The following FSTL5 variants were observed in gnomAD, a reference collection of about 807,000 sequenced individuals.
FSTL5 encodes follistatin like 5, also known as follistatin-related protein 5.
In FSTL5, 62 loss-of-function variants were observed where a neutral mutation model predicts 89.1. The ratio of observed to expected loss-of-function variants is 0.70; its 90% CI spans 0.57 to 0.86. The LOEUF is 0.86. FSTL5 is among the 40% of genes least tolerant of loss of function. The pLI, the probability that FSTL5 is intolerant of heterozygous loss-of-function variation, is 0.00. For synonymous variants in FSTL5, 383 were observed against 346.2 expected (o/e 1.11, Z -1.18); for missense variants, 1,057 against 1,001.6 (o/e 1.06, Z -0.75).
chr4:161,551,002 G>T lies in FSTL5; in HGVS notation c.1016-8309C>A, dbSNP rs566157240. On this transcript the variant is annotated intron_variant, in intron 8 of 15. Coordinates refer to ENST00000306100, the MANE Select transcript of FSTL5 (RefSeq NM_020116.5). ...CTATCATTGTTGGACATTTGGGTTGGTTCCAAGTCTTTGTTATTGTGAATA... is the reference window on the plus strand; with the variant it reads ...CTATCATTGTTGGACATTTGGGTTGTTTCCAAGTCTTTGTTATTGTGAATA... Among the ~76,000 whole-genome samples the T allele has an allele frequency of 1.3e-3, 193 of 152,072 alleles. 1 individual carries two copies. The highest frequency in any genetic ancestry group is 4.4e-3 in the African/African-American group (182 of 41,500).
At chr4:161,534,314 C>T (rs747209366) in intron 10 of FSTL5, among the ~76,000 whole-genome samples, 4 of 151,906 alleles carry the variant, frequency 2.6e-5, no homozygotes, top group African/African-American at 4.8e-5. Flanking sequence ...GGAATATGAT[C>T]CTATACATAA....
rs1178977194 is a variant in FSTL5 at position 161,455,025 on chromosome 4, G to T, written c.1820C>A (p.Thr607Lys). 4 of 1,613,512 alleles carry T rather than the reference G, an allele frequency of 2.5e-6. No individual in the cohort carries two copies. The highest frequency in any genetic ancestry group is 2.2e-5 in the South Asian group (2 of 91,002). ...RVDDFFIPTT[T>K]LIITHMRFGF... ...TTACCTCATATGGGTGATAATGAGT[G>T]TTGTGGTGGGAATGAAAAAATCATC... Residue 607 changes from threonine to lysine, a missense_variant, in exon 15 of 16, where the codon ACA becomes AAA. Physicochemically the swap from Thr to Lys is moderately conservative, Grantham distance 78. Coordinates refer to ENST00000306100, the MANE Select transcript of FSTL5 (RefSeq NM_020116.5).
At chr4:161,829,867 T>C (rs1346746770) in intron 4 of FSTL5, among the ~76,000 whole-genome samples, 2 of 152,060 alleles carry the variant, frequency 1.3e-5, no homozygotes, top group Non-Finnish European at 2.9e-5. Context: ...CTTAAATGAT[T>C]GTATGCATCA....
At chr4:161,859,386 C>G (rs1376191302) in intron 4 of FSTL5, among the ~76,000 whole-genome samples, 1 of 152,162 alleles carries the variant, frequency 6.6e-6, no homozygotes, top group Non-Finnish European at 1.5e-5. Flanking sequence ...TGGGTTATAT[C>G]CACTTCCAAA....
intron 3 of FSTL5, among the ~76,000 whole-genome samples, chr4:161,977,660 T>C (rs942092459): frequency 1.5e-5 from 2 of 134,552 alleles, no homozygotes; most frequent in Admixed American, 7.3e-5. Flanking sequence ...ATAATAATAA[T>C]AATAATAAAT....
chr4:161,678,542 A>G (rs1288182742), intron 6 of FSTL5, among the ~76,000 whole-genome samples: 1 of 151,908 alleles, frequency 6.6e-6, no homozygotes, highest in African/African-American at 2.4e-5. Context: ...TGGATTTCAG[A>G]TGGAGCTCTA....
chr4:162,123,637 G>A (rs139938906), intron 1 of FSTL5, among the ~76,000 whole-genome samples: 1 of 152,194 alleles, frequency 6.6e-6, no homozygotes, highest in East Asian at 1.9e-4. Context: ...AAGAAGAGCT[G>A]AAACCCTGCA....
Position 161,542,566 on chromosome 4 carries a change from A to T in FSTL5, c.1143T>A (p.Ile381=). Residue 381 remains isoleucine (I), a synonymous_variant, in exon 9 of 16, where the codon ATT becomes ATA. Coordinates refer to ENST00000306100, the MANE Select transcript of FSTL5 (RefSeq NM_020116.5). ...TGAGTTGTTTGGAAAGCTTTGGTGTAATATCAATTCCATTCTTCAACCAGC... is the reference window on the plus strand; with the variant it reads ...TGAGTTGTTTGGAAAGCTTTGGTGTTATATCAATTCCATTCTTCAACCAGC... ...QLGWLKNGID[I]TPKLSKQLTL... 1 of 1,553,632 alleles carries T rather than the reference A, an allele frequency of 6.4e-7. No homozygotes were observed. Among genetic ancestry groups the T allele is most frequent in the Non-Finnish European group, 8.7e-7 (1 of 1,146,584 alleles).
intron 5 of FSTL5, among the ~76,000 whole-genome samples, chr4:161,769,605 G>T (rs1479361710): frequency 2.6e-5 from 4 of 151,908 alleles, no homozygotes; most frequent in Non-Finnish European, 2.9e-5. Flanking sequence ...TTGTCAATTT[G>T]ATGCTGAAAA....
At chr4:162,075,630 G>A (rs140786902) in intron 2 of FSTL5, among the ~76,000 whole-genome samples, 355 of 151,970 alleles carry the variant, frequency 2.3e-3, no homozygotes, top group African/African-American at 8.1e-3. Flanking sequence ...CAGTTTCATG[G>A]ATACTGATAG....
chr4:161,490,093 T>C (rs1244200153), intron 12 of FSTL5, among the ~76,000 whole-genome samples: 4 of 152,176 alleles, frequency 2.6e-5, no homozygotes, highest in African/African-American at 9.7e-5. Context: ...ACATTTTATA[T>C]GAATTCTAGT....
At chr4:162,056,121 G>C (rs1738535031) in intron 2 of FSTL5, among the ~76,000 whole-genome samples, 1 of 151,816 alleles carries the variant, frequency 6.6e-6, no homozygotes, top group Non-Finnish European at 1.5e-5. Flanking sequence ...TTAATGATGT[G>C]AAAAGACAAG....
chr4:161,415,728 A>T (rs1731753357), intron 15 of FSTL5, among the ~76,000 whole-genome samples: 1 of 147,012 alleles, frequency 6.8e-6, no homozygotes, highest in South Asian at 2.2e-4. Flanking sequence ...TATGGGAGAT[A>T]TATATATGTA....
chr4:161,965,191 T>C (rs1200568803), intron 3 of FSTL5, among the ~76,000 whole-genome samples: 1 of 152,114 alleles, frequency 6.6e-6, no homozygotes, highest in African/African-American at 2.4e-5. Flanking sequence ...CCTTTCAATA[T>C]CCATGACCTG....
At chr4:161,644,400 C>T (rs1736071819) in intron 7 of FSTL5, among the ~76,000 whole-genome samples, 2 of 152,090 alleles carry the variant, frequency 1.3e-5, no homozygotes, top group African/African-American at 4.8e-5. Context: ...GTGGCCCATG[C>T]CTGTAATCCT....
At chr4:162,092,315 C>T (rs1323141835) in intron 2 of FSTL5, among the ~76,000 whole-genome samples, 1 of 152,076 alleles carries the variant, frequency 6.6e-6, no homozygotes, top group Non-Finnish European at 1.5e-5. Context: ...ACCTGGAATT[C>T]CTTCACGAAA....
intron 6 of FSTL5, among the ~76,000 whole-genome samples, chr4:161,733,082 A>G (rs1049465751): frequency 3.3e-5 from 5 of 151,798 alleles, no homozygotes; most frequent in African/African-American, 1.2e-4. Context: ...TGTAGAACTG[A>G]TATCTTAATA....
At chr4:162,066,396 C>T (rs12644258) in intron 2 of FSTL5, among the ~76,000 whole-genome samples, 4,149 of 79,798 alleles carry the variant, frequency 0.052, 147 homozygotes, top group East Asian at 0.14. Flanking sequence ...CTTCATTTTC[C>T]TTTTTTTTTT....
At position 162,081,105 on chromosome 4, in the gene FSTL5, C is replaced by T. The variant is rs187807852; in HGVS notation, c.126+30166G>A. ...TTTATCCACGCCCTCTAAATAAACT[C>T]TACTTTAGGAAGTATTCTAATTATT... On this transcript the variant is annotated intron_variant, in intron 2 of 15. Transcript: ENST00000306100. Among the ~76,000 whole-genome samples the T allele has an allele frequency of 6.4e-3, 972 of 151,682 alleles. 5 individuals are homozygous for T. The highest frequency in any genetic ancestry group is 9.8e-3 in the Non-Finnish European group (664 of 67,714).
Sources: allele counts gnomAD v4.1 joint callset (sites outside exome capture counted in the v4.1 genomes callset), GRCh38; gene constraint gnomAD v4.1.1; transcripts MANE v1.5; gene names NCBI Gene and HGNC (gene_info 2026-07-23, HGNC 2026-07-21).